Variants in SFXN1 observed in about 807,000 individuals in gnomAD.
The protein encoded by SFXN1 is sideroflexin 1.
Under a neutral mutation model 39.5 loss-of-function variants are expected in SFXN1, and 32 were observed. The observed-to-expected ratio is 0.81, with a 90% CI of 0.61 to 1.09. The LOEUF is 1.09. SFXN1 is among the 50% of genes least tolerant of loss of function. The probability of loss-of-function intolerance (pLI) is 0.00; values close to 1 mark genes in which losing one functional copy is unlikely to be tolerated. For synonymous variants in SFXN1, 136 were observed against 146.5 expected, an observed-to-expected ratio of 0.93 and a Z score of 0.52; for missense variants, 402 against 407.1, an observed-to-expected ratio of 0.99 and a Z score of 0.11.
chr5:175,519,785 G>A (rs553980055), intron 8 of SFXN1, among the ~76,000 whole-genome samples: 12 of 151,680 alleles, frequency 7.9e-5, no homozygotes, highest in Non-Finnish European at 1.6e-4. Context: ...TTAAATATGG[G>A]CAGTTGTATG....
chr5:175,507,979 A>AAAAAAAAT (rs1760371715), intron 2 of SFXN1, among the ~76,000 whole-genome samples: 1 of 152,052 alleles, frequency 6.6e-6, no homozygotes, highest in African/African-American at 2.4e-5. Flanking sequence ...TCTTTAAAAA[A>AAAAAAAAT]AAAAAAAAAA....
intron 2 of SFXN1, 22 bp from the exon 3 acceptor site, chr5:175,509,010 A>G (rs775988268): frequency 1.0e-5 from 16 of 1,588,812 alleles, no homozygotes; most frequent in African/African-American, 5.4e-5. Context: ...AGCAATTGCC[A>G]TATTATTTGT....
chr5:175,507,736 C>T (rs1000095326), intron 2 of SFXN1, among the ~76,000 whole-genome samples: 2 of 152,138 alleles, frequency 1.3e-5, no homozygotes, highest in African/African-American at 4.8e-5. Flanking sequence ...CTTTGGAGGC[C>T]ATGGCAGGCA....
At chr5:175,488,826 G>A (rs540539239) in intron 1 of SFXN1, among the ~76,000 whole-genome samples, 17 of 151,904 alleles carry the variant, frequency 1.1e-4, no homozygotes, top group African/African-American at 1.9e-4. Flanking sequence ...AGCCCAGGAC[G>A]TCAAGGCCCT....
At chr5:175,508,222 A>ATTTTT (rs67028708) in intron 2 of SFXN1, among the ~76,000 whole-genome samples, 2 of 63,898 alleles carry the variant, frequency 3.1e-5, no homozygotes, top group African/African-American at 6.0e-5. Flanking sequence ...AATAGATTTG[A>ATTTTT]TTTTTTTTTT....
intron 2 of SFXN1, 186 bp downstream of exon 2, chr5:175,492,453 A>T: frequency 3.8e-6 from 2 of 531,922 alleles, no homozygotes; most frequent in Non-Finnish European, 6.5e-6. Flanking sequence ...CGCCCTTAAC[A>T]CAGATATCTA....
chr5:175,517,782 C>T (rs1415911439), intron 8 of SFXN1, among the ~76,000 whole-genome samples: 1 of 152,116 alleles, frequency 6.6e-6, no homozygotes, highest in African/African-American at 2.4e-5. Flanking sequence ...CTTCACCATG[C>T]CTCTTCCGCA....
chr5:175,506,206 G>A (rs1030551707), intron 2 of SFXN1, among the ~76,000 whole-genome samples: 5 of 152,070 alleles, frequency 3.3e-5, no homozygotes, highest in African/African-American at 1.2e-4. Flanking sequence ...TAGAAATATC[G>A]GTGAACATTT....
chr5:175,524,361 T>C (rs539212253), intron 10 of SFXN1, among the ~76,000 whole-genome samples: 1 of 151,420 alleles, frequency 6.6e-6, no homozygotes, highest in South Asian at 2.1e-4. Context: ...TACTTGTTCT[T>C]TTTATTCAGT....
At chr5:175,517,457 ACAGCTCATGGCT>A (rs1760745588) in intron 8 of SFXN1, among the ~76,000 whole-genome samples, 1 of 152,108 alleles carries the variant, frequency 6.6e-6, no homozygotes, top group Non-Finnish European at 1.5e-5. Context: ...GATGATCAGG[ACAGCTCATGGCT>A]CAGTCCTGGC....
rs949226647 is a variant in SFXN1 at position 175,526,869 on chromosome 5, T to C, written c.*135T>C. The C allele has an allele frequency of 5.8e-5, 42 of 718,176 alleles. No homozygotes were observed. The highest frequency in any genetic ancestry group is 8.6e-5 in the Non-Finnish European group (36 of 416,824). 44.5% of individuals were successfully genotyped at this position (718,176 alleles called of 1,614,324 possible). ...AAAGATCCACATTAGCCTTTTAGAA[T>C]AAAGCTGCTACTTTAACAGAGCACC... On this transcript the variant is annotated 3_prime_UTR_variant, in exon 11 of 11. Coordinates refer to ENST00000321442, the MANE Select transcript of SFXN1 (RefSeq NM_022754.7).
chr5:175,507,153 A>G (rs767314724), intron 2 of SFXN1, among the ~76,000 whole-genome samples: 81 of 151,954 alleles, frequency 5.3e-4, no homozygotes, highest in Non-Finnish European at 9.4e-4. Flanking sequence ...CATTGCTGTC[A>G]TCTCTGCCTC....
intron 7 of SFXN1, among the ~76,000 whole-genome samples, chr5:175,515,269 A>C (rs2113346541): frequency 1.3e-5 from 2 of 151,848 alleles, no homozygotes; most frequent in South Asian, 4.2e-4. Flanking sequence ...ACCCACCCCG[A>C]ATGCTAGGTA....
chr5:175,513,793 G>T, intron 7 of SFXN1: 1 of 490,086 alleles, frequency 2.0e-6, no homozygotes, highest in Non-Finnish European at 3.7e-6. Flanking sequence ...TAGGGCGTGT[G>T]GGTAGGGCAG....
chr5:175,517,518 T>A (rs942035016), intron 8 of SFXN1, among the ~76,000 whole-genome samples: 2 of 152,092 alleles, frequency 1.3e-5, no homozygotes, highest in African/African-American at 4.8e-5. Context: ...GTAGGTGTAC[T>A]CCTTCAGACC....
chr5:175,513,044 T>G (rs1045333547), intron 6 of SFXN1, among the ~76,000 whole-genome samples: 2 of 152,174 alleles, frequency 1.3e-5, no homozygotes, highest in African/African-American at 4.8e-5. Context: ...CTCACACCTG[T>G]AATCTCAGCA....
intron 1 of SFXN1, among the ~76,000 whole-genome samples, chr5:175,488,460 G>C (rs879844714): frequency 6.6e-6 from 1 of 151,962 alleles, no homozygotes; most frequent in Non-Finnish European, 1.5e-5. Context: ...GCACCACCAC[G>C]CCTGACTAAT....
Position 175,510,067 on chromosome 5 carries a change from G to A in SFXN1, c.336-42G>A, listed in dbSNP as rs747406307. On this transcript the variant is annotated intron_variant, in intron 3 of 10. Transcript: ENST00000321442. ...CGTTTTCTGTTCCATGCCGCGGCTG[G>A]GCCCAGTGATGGTGGGTATGTGACG... 7 of 1,545,556 alleles carry A rather than the reference G, an allele frequency of 4.5e-6. No homozygotes were observed. In the South Asian group the frequency reaches 8.1e-5, roughly 18 times the overall value.
intron 1 of SFXN1, among the ~76,000 whole-genome samples, chr5:175,483,443 A>G (rs1358019598): frequency 6.6e-6 from 1 of 152,184 alleles, no homozygotes; most frequent in Non-Finnish European, 1.5e-5. Flanking sequence ...AGATTCTTAG[A>G]ATTAACACCT....
Sources: allele counts gnomAD v4.1 joint callset (sites outside exome capture counted in the v4.1 genomes callset), GRCh38; gene constraint gnomAD v4.1.1; transcripts MANE v1.5; gene names NCBI Gene and HGNC (gene_info 2026-07-23, HGNC 2026-07-21).